Variants in HRH1 observed in about 807,000 individuals in gnomAD.
HRH1 encodes the protein histamine H1 receptor.
Under a neutral mutation model 10.3 loss-of-function variants are expected in HRH1, and 6 were observed. The ratio of observed to expected loss-of-function variants is 0.58; its 90% CI spans 0.32 to 1.15. HRH1 has a LOEUF of 1.15. Among genes scored for constraint, HRH1 ranks in the 50% most tolerant of loss-of-function variants. The pLI is 0.05. For synonymous variants in HRH1, 242 were observed against 236.7 expected (o/e 1.02, Z -0.21); for missense variants, 514 against 615.3 (o/e 0.84, Z 1.74).
chr3:11,234,158 A>G (rs1378978897), intron 1 of HRH1: 1 of 750,994 alleles, frequency 1.3e-6, no homozygotes, highest in Non-Finnish European at 2.2e-6. Flanking sequence ...GCACAGGACA[A>G]CAGAGGGAAA....
intron 1 of HRH1, among the ~76,000 whole-genome samples, chr3:11,235,137 C>T (rs140131544): frequency 1.6e-3 from 248 of 151,946 alleles, no homozygotes; most frequent in African/African-American, 5.6e-3. Flanking sequence ...ATAGCTTGAA[C>T]CCAGGAGGCA....
intron 1 of HRH1, among the ~76,000 whole-genome samples, chr3:11,256,529 G>C (rs1456973450): frequency 6.6e-6 from 1 of 152,058 alleles, no homozygotes; most frequent in Non-Finnish European, 1.5e-5. Flanking sequence ...GGCCAGGCAC[G>C]GTGGCTCACA....
At chr3:11,191,414 C>T (rs937388590) in intron 1 of HRH1, among the ~76,000 whole-genome samples, 3 of 152,168 alleles carry the variant, frequency 2.0e-5, no homozygotes, top group East Asian at 1.9e-4. Flanking sequence ...CCACCTCCCC[C>T]TCTTCCCATA....
intron 1 of HRH1, among the ~76,000 whole-genome samples, chr3:11,179,595 G>C (rs1213546966): frequency 6.6e-6 from 1 of 150,720 alleles, no homozygotes; most frequent in East Asian, 1.9e-4. Flanking sequence ...ACTCCAGCCT[G>C]GGTGACAGAG....
chr3:11,206,752 T>G (rs1243563060), intron 1 of HRH1, among the ~76,000 whole-genome samples: 1 of 152,214 alleles, frequency 6.6e-6, no homozygotes, highest in South Asian at 2.1e-4. Context: ...TTGTTAAGCC[T>G]TCTATTCAAC....
At chr3:11,209,895 A>C (rs539441189) in intron 1 of HRH1, among the ~76,000 whole-genome samples, 2 of 152,276 alleles carry the variant, frequency 1.3e-5, no homozygotes, top group Middle Eastern at 3.4e-3. Context: ...TGTGCTGCCG[A>C]GATAGACCCT....
intron 1 of HRH1, among the ~76,000 whole-genome samples, chr3:11,233,417 G>T (rs1008805592): frequency 2.0e-5 from 3 of 151,848 alleles, no homozygotes; most frequent in Admixed American, 6.6e-5. Context: ...GTTCTTTTTT[G>T]TTGTTGTTGT....
At chr3:11,148,856 A>T (rs1936528870) in intron 1 of HRH1, among the ~76,000 whole-genome samples, 1 of 126,096 alleles carries the variant, frequency 7.9e-6, no homozygotes, top group South Asian at 2.7e-4. Flanking sequence ...CTGGAATGGG[A>T]TCACAGTCTT....
At position 11,207,029 on chromosome 3, in the gene HRH1, G is replaced by A. The variant is rs145126739; in HGVS notation, c.-35-51974G>A. Among the ~76,000 whole-genome samples, 697 of 152,262 alleles carry A rather than the reference G, an allele frequency of 4.6e-3. 4 individuals carry two copies. Among genetic ancestry groups the A allele is most frequent in the Non-Finnish European group, 7.0e-3 (477 of 68,020 alleles). ...ACACTCGGTCTGAGAGTTGAAGGAC[G>A]GATGGAAGTCTCTGGAGGTTTGCAG... is the stretch of plus-strand genomic sequence containing the variant. On this transcript the variant is annotated intron_variant, in intron 1 of 1. Transcript: ENST00000431010.
At chr3:11,157,810 G>C (rs1280711569) in intron 1 of HRH1, among the ~76,000 whole-genome samples, 1 of 152,208 alleles carries the variant, frequency 6.6e-6, no homozygotes, top group South Asian at 2.1e-4. Flanking sequence ...TCCCAACAGA[G>C]GAATGAGCAG....
At chr3:11,235,075 C>T (rs1383180647) in intron 1 of HRH1, among the ~76,000 whole-genome samples, 7 of 151,764 alleles carry the variant, frequency 4.6e-5, no homozygotes, top group Non-Finnish European at 7.4e-5. Context: ...ATTAGCTGGG[C>T]GTGGTGGCAT....
At chr3:11,148,927 T>C (rs1419816476) in intron 1 of HRH1, among the ~76,000 whole-genome samples, 1 of 151,826 alleles carries the variant, frequency 6.6e-6, no homozygotes, top group Non-Finnish European at 1.5e-5. Context: ...TTTGAATCTC[T>C]TTCTCCTCAA....
chr3:11,169,724 C>T (rs1282775813), intron 1 of HRH1, among the ~76,000 whole-genome samples: 1 of 152,190 alleles, frequency 6.6e-6, no homozygotes, highest in Admixed American at 6.5e-5. Context: ...AGCTCCCCAT[C>T]CCATCTCCAT....
intron 1 of HRH1, among the ~76,000 whole-genome samples, chr3:11,140,191 A>T (rs1386666336): frequency 6.6e-6 from 1 of 152,114 alleles, no homozygotes; most frequent in African/African-American, 2.4e-5. Context: ...TTCTGCCCAC[A>T]TTTGGACCTC....
At chr3:11,181,634 T>G (rs1465655771) in intron 1 of HRH1, among the ~76,000 whole-genome samples, 1 of 146,512 alleles carries the variant, frequency 6.8e-6, no homozygotes, top group Non-Finnish European at 1.5e-5. Context: ...GCTCTTTTTT[T>G]TTTTTTTTTT....
At chr3:11,139,003 T>C (rs1936239904) in intron 1 of HRH1, among the ~76,000 whole-genome samples, 3 of 134,010 alleles carry the variant, frequency 2.2e-5, no homozygotes. Flanking sequence ...TTTTTTTTTT[T>C]TTAGAAAGAA....
chr3:11,203,301 G>A (rs996262920), intron 1 of HRH1, among the ~76,000 whole-genome samples: 10 of 152,218 alleles, frequency 6.6e-5, no homozygotes, highest in Non-Finnish European at 8.8e-5. Context: ...TATGGTAAGA[G>A]TATATTTAGT....
intron 1 of HRH1, among the ~76,000 whole-genome samples, chr3:11,257,117 G>A (rs1236565638): frequency 6.6e-6 from 1 of 150,994 alleles, no homozygotes; most frequent in Non-Finnish European, 1.5e-5. Context: ...GCTGGGCGTG[G>A]TGGTGGGTGC....
intron 1 of HRH1, among the ~76,000 whole-genome samples, chr3:11,245,962 TACAC>T (rs540636840): frequency 2.6e-5 from 4 of 151,202 alleles, no homozygotes; most frequent in African/African-American, 4.9e-5. Flanking sequence ...TACATACTCA[TACAC>T]ACACACTCAT....
Sources: gnomAD v4.1 joint callset for allele counts (sites outside exome capture counted in the v4.1 genomes callset) on GRCh38, gnomAD v4.1.1 for gene constraint, MANE v1.5 for transcripts, NCBI Gene and HGNC (gene_info 2026-07-23, HGNC 2026-07-21) for gene names.